The following NR2C1 variants were observed in gnomAD, a reference collection of about 807,000 sequenced individuals.
The protein encoded by NR2C1 is TR2 nuclear hormone receptor.
Under a neutral mutation model 74.8 loss-of-function variants are expected in NR2C1, and 33 were observed. The ratio of observed to expected loss-of-function variants is 0.44; its 90% CI spans 0.33 to 0.59. The LOEUF is 0.59. NR2C1 is among the 20% of genes least tolerant of loss of function. NR2C1 has a pLI of 0.02. For missense variants in NR2C1, 568 were observed against 715.6 expected (o/e 0.79, Z 2.35); for synonymous variants, 225 against 240.6 (o/e 0.94, Z 0.60).
At chr12:95,042,339 A>G (rs1565848459) in intron 9 of NR2C1, among the ~76,000 whole-genome samples, 1 of 150,000 alleles carries the variant, frequency 6.7e-6, no homozygotes, top group Non-Finnish European at 1.5e-5. Flanking sequence ...CCTCCCCAGT[A>G]GCTGGGACTA....
At chr12:95,052,360 T>G (rs986386505) in intron 7 of NR2C1, among the ~76,000 whole-genome samples, 1 of 152,190 alleles carries the variant, frequency 6.6e-6, no homozygotes, top group Non-Finnish European at 1.5e-5. Context: ...TTCACCATGT[T>G]GGCTAAGATG....
intron 12 of NR2C1, 173 bp from the exon 13 acceptor site, chr12:95,025,428 G>A (rs1869234967): frequency 2.3e-6 from 1 of 441,140 alleles, no homozygotes; most frequent in Non-Finnish European, 4.0e-6. Context: ...GGAGGCTGAG[G>A]AGGGTGAATC....
At chr12:95,030,184 T>G (rs1004335023) in intron 11 of NR2C1, among the ~76,000 whole-genome samples, 1 of 152,200 alleles carries the variant, frequency 6.6e-6, no homozygotes, top group Non-Finnish European at 1.5e-5. Context: ...AAATGTTTGC[T>G]TTCAAGATAT....
intron 7 of NR2C1, among the ~76,000 whole-genome samples, chr12:95,053,776 T>C (rs999467389): frequency 6.9e-6 from 1 of 145,610 alleles, no homozygotes; most frequent in African/African-American, 2.5e-5. Context: ...CTCCACCTCC[T>C]GGGTTCACGC....
intron 10 of NR2C1, among the ~76,000 whole-genome samples, chr12:95,038,120 G>A (rs1871092947): frequency 6.6e-6 from 1 of 152,140 alleles, no homozygotes; most frequent in African/African-American, 2.4e-5. Context: ...AAAGAATCTT[G>A]TGGTTGTTAC....
chr12:95,054,314 TA>T (rs1873512949), intron 7 of NR2C1, among the ~76,000 whole-genome samples: 1 of 151,502 alleles, frequency 6.6e-6, no homozygotes, highest in Non-Finnish European at 1.5e-5. Context: ...TTTTTTTTTT[TA>T]AGAGACAGTG....
chr12:95,064,460 C>T (rs1040657402), intron 2 of NR2C1, among the ~76,000 whole-genome samples: 1 of 151,852 alleles, frequency 6.6e-6, no homozygotes, highest in African/African-American at 2.4e-5. Context: ...AGCAGCCATG[C>T]TGGGGGTGAA....
chr12:95,027,528 G>A (rs1592722086), intron 12 of NR2C1, among the ~76,000 whole-genome samples: 2 of 152,204 alleles, frequency 1.3e-5, no homozygotes, highest in South Asian at 2.1e-4. Flanking sequence ...CCTTAGGTCA[G>A]GAGTTCAACA....
At chr12:95,030,807 T>C in intron 11 of NR2C1, 1 of 1,613,532 alleles carries the variant, frequency 6.2e-7, no homozygotes, top group Non-Finnish European at 8.5e-7. Context: ...CATTCTATAG[T>C]TAAGCATTTA....
intron 8 of NR2C1, among the ~76,000 whole-genome samples, chr12:95,049,759 T>C (rs1015253202): frequency 2.6e-5 from 4 of 152,192 alleles, no homozygotes; most frequent in African/African-American, 7.2e-5. Flanking sequence ...CACAGTACAA[T>C]AGGTCTTAAA....
At chr12:95,038,377 C>T (rs957767156) in intron 10 of NR2C1, among the ~76,000 whole-genome samples, 1 of 152,202 alleles carries the variant, frequency 6.6e-6, no homozygotes, top group Non-Finnish European at 1.5e-5. Context: ...TAACTGATAG[C>T]CTATCATGAA....
intron 7 of NR2C1, among the ~76,000 whole-genome samples, chr12:95,054,829 A>T (rs1172567896): frequency 1.3e-5 from 2 of 152,094 alleles, no homozygotes; most frequent in African/African-American, 4.8e-5. Flanking sequence ...GTCATAGGAC[A>T]ATAGTGGAGG....
At chr12:95,049,278 A>G (rs1444839410) in intron 8 of NR2C1, 45 bp from the exon 9 acceptor site, 6 of 1,558,380 alleles carry the variant, frequency 3.9e-6, no homozygotes, top group South Asian at 2.3e-5. Context: ...AAACACCGCA[A>G]TAAAATAACA....
At chr12:95,038,266 TA>T (rs1193346663) in intron 10 of NR2C1, among the ~76,000 whole-genome samples, 1 of 152,258 alleles carries the variant, frequency 6.6e-6, no homozygotes, top group Admixed American at 6.5e-5. Flanking sequence ...AGGATAATTA[TA>T]CTCAATTTAA....
rs763897909 is a variant in NR2C1, at chr12:95,028,351, C to T, written c.1531+36G>A. 29 of 1,565,214 alleles carry T rather than the reference C, an allele frequency of 1.9e-5. 2 individuals carry two copies. The highest frequency in any genetic ancestry group is 1.0e-4 in the South Asian group (9 of 86,030). ...GCTTCTATTTCTCCACATCGTGAAA[C>T]ATTTTATTTTGAATAAAAAGTAAAT... On this transcript the variant is annotated intron_variant, in intron 12 of 13. Transcript: ENST00000333003.
rs1211894883 is a variant in NR2C1, at chr12:95,073,588, G to T, written c.-216C>A. 1.3e-5 allele frequency: 2 copies of T among 152,288 alleles called. No homozygotes were observed. The highest frequency in any genetic ancestry group is 4.8e-5 in the African/African-American group (2 of 41,474). The allele number at this position is 152,288 out of a possible 1,614,324, so 9.4% of individuals were successfully genotyped here. On this transcript the variant is annotated 5_prime_UTR_variant, in exon 1 of 14. Coordinates refer to ENST00000333003, the MANE Select transcript of NR2C1 (RefSeq NM_003297.4). ...GACCTCTTTCTCGGCTCGGCGGCGC[G>T]CTATCCCGCCAGCGCCTGCGCATTA... is the stretch of plus-strand genomic sequence containing the variant.
chr12:95,058,286 T>C (rs371938904), intron 5 of NR2C1, 24 bp downstream of exon 5: 32 of 1,567,210 alleles, frequency 2.0e-5, no homozygotes, highest in Non-Finnish European at 2.8e-5. Context: ...AAAAAGTATT[T>C]TCTCCTTAAA....
intron 12 of NR2C1, 199 bp from the exon 13 acceptor site, chr12:95,025,454 T>G (rs1869238001): frequency 8.1e-6 from 3 of 370,542 alleles, no homozygotes; most frequent in Non-Finnish European, 1.4e-5. Flanking sequence ...AGGTCAGGAG[T>G]TCAAGACCAG....
chr12:95,048,223 G>T (rs1193233681), intron 9 of NR2C1, among the ~76,000 whole-genome samples: 2 of 152,200 alleles, frequency 1.3e-5, no homozygotes, highest in East Asian at 3.9e-4. Flanking sequence ...GCTGCACCTG[G>T]CCAATTTGTA....
Sources: gnomAD v4.1 joint callset for allele counts (sites outside exome capture counted in the v4.1 genomes callset) on GRCh38, gnomAD v4.1.1 for gene constraint, MANE v1.5 for transcripts, NCBI Gene and HGNC (gene_info 2026-07-23, HGNC 2026-07-21) for gene names.